The following CSMD3 variants were observed in gnomAD, a reference collection of about 807,000 sequenced individuals.
The protein encoded by CSMD3 is CUB and Sushi multiple domains 3.
In CSMD3, 177 loss-of-function variants were observed where a neutral mutation model predicts 435.2. The observed-to-expected ratio is 0.41, with a 90% CI of 0.36 to 0.46. The LOEUF (loss-of-function observed/expected upper bound fraction) is 0.46. Ranked by LOEUF, CSMD3 falls within the 20% of genes least tolerant of loss-of-function variation. The pLI is 0.34. For missense variants in CSMD3, 4,265 were observed against 4,504.6 expected (o/e 0.95, Z 1.52); for synonymous variants, 1,656 against 1,520.5 (o/e 1.09, Z -2.07).
chr8:112,841,883 G>A (rs1029218010), intron 11 of CSMD3, among the ~76,000 whole-genome samples: 3 of 151,692 alleles, frequency 2.0e-5, no homozygotes, highest in African/African-American at 4.8e-5. Flanking sequence ...CATCAGAAGG[G>A]GTTAAAATTC....
intron 10 of CSMD3, among the ~76,000 whole-genome samples, chr8:112,915,687 A>G (rs1246664049): frequency 6.6e-6 from 1 of 151,888 alleles, no homozygotes; most frequent in East Asian, 1.9e-4. Context: ...AGAGATCTGC[A>G]GAATCTAAAT....
intron 1 of CSMD3, among the ~76,000 whole-genome samples, chr8:113,337,345 G>C (rs765567816): frequency 6.6e-6 from 1 of 152,074 alleles, no homozygotes; most frequent in Non-Finnish European, 1.5e-5. Flanking sequence ...GGAAGAGCAA[G>C]TCTGGCCACA....
intron 5 of CSMD3, among the ~76,000 whole-genome samples, chr8:113,066,300 T>C (rs1413708913): frequency 1.3e-5 from 2 of 152,058 alleles, no homozygotes; most frequent in East Asian, 3.9e-4. Flanking sequence ...AGAGAAAAAG[T>C]GTTTTTGAAT....
intron 5 of CSMD3, among the ~76,000 whole-genome samples, chr8:113,091,921 ACTTTCCTCTTAGTACTG>A (rs2090016295): frequency 6.6e-6 from 1 of 151,898 alleles, no homozygotes; most frequent in Non-Finnish European, 1.5e-5. Context: ...GTAGCTATAA[ACTTTCCTCTTAGTACTG>A]CTTTTTCTGT....
intron 32 of CSMD3, among the ~76,000 whole-genome samples, chr8:112,432,134 C>T (rs967451571): frequency 1.3e-5 from 2 of 151,930 alleles, no homozygotes; most frequent in African/African-American, 4.8e-5. Flanking sequence ...AAAGCAACAA[C>T]CCAAAGCAAG....
chr8:112,932,130 G>A (rs12678496), intron 9 of CSMD3, among the ~76,000 whole-genome samples: 64,981 of 151,922 alleles, frequency 0.43, 14,043 homozygotes, highest in East Asian at 0.51. Flanking sequence ...AGTCCTTTGG[G>A]ATATCTGCAT....
intron 14 of CSMD3, among the ~76,000 whole-genome samples, chr8:112,686,534 T>C (rs1279541872): frequency 6.6e-6 from 1 of 151,398 alleles, no homozygotes; most frequent in Non-Finnish European, 1.5e-5. Context: ...TTGCCCAGGC[T>C]GGAGTGCAGT....
chr8:112,534,782 TA>T (rs1366068378), intron 27 of CSMD3, among the ~76,000 whole-genome samples: 1 of 152,014 alleles, frequency 6.6e-6, no homozygotes, highest in East Asian at 1.9e-4. Flanking sequence ...AAATCCTCAA[TA>T]AAATACTGGC....
Position 112,550,882 on chromosome 8 carries a change from G to T in CSMD3, c.4362-9C>A. 6.3e-7 allele frequency: 1 copy of T among 1,589,190 alleles called. No individual in the cohort carries two copies. The highest frequency in any genetic ancestry group is 8.6e-7 in the Non-Finnish European group (1 of 1,157,886). On this transcript the variant is annotated splice_polypyrimidine_tract_variant and intron_variant, in intron 26 of 70. Transcript: ENST00000297405. ...AAGCAAGAAACTGCAAGCTGTGGGAGAACCATATTTCTCTGATTATTTTAA... is the reference window on the plus strand; with the variant it reads ...AAGCAAGAAACTGCAAGCTGTGGGATAACCATATTTCTCTGATTATTTTAA...
At chr8:112,389,097 T>C (rs1830199794) in intron 36 of CSMD3, among the ~76,000 whole-genome samples, 1 of 152,134 alleles carries the variant, frequency 6.6e-6, no homozygotes, top group African/African-American at 2.4e-5. Flanking sequence ...AACCACACAA[T>C]GGATTTAATC....
Position 112,945,291 on chromosome 8 carries a change from C to T in CSMD3, c.1508+2499G>A, listed in dbSNP as rs1408839130. ...ACACCATAGTCCAAATCTCCACTGT[C>T]TTTCACTCAGACTACTGAAGAAACC... On this transcript the variant is annotated intron_variant, in intron 9 of 70. Transcript: ENST00000297405. 7.9e-5 allele frequency among the ~76,000 whole-genome samples: 12 copies of T among 151,706 alleles called. No homozygotes were observed. In the Admixed American group the frequency reaches 7.9e-4, roughly 10 times the overall value.
intron 61 of CSMD3, among the ~76,000 whole-genome samples, chr8:112,256,876 TGA>T (rs1048193042): frequency 1.3e-5 from 2 of 152,070 alleles, no homozygotes; most frequent in African/African-American, 4.8e-5. Flanking sequence ...GAGAAACTTT[TGA>T]GAGTGAAAGG....
chr8:112,281,334 G>A lies in CSMD3; in HGVS notation c.9348C>T (p.Asn3116=). ...CTTTCCCATTGGCTGTGGTTCCTGG[G>A]TTACCACACTGCACAGCTATAAAAC... The part of the protein sequence containing the change: ...QPECKAVQCG[N]PGTTANGKVF... The change falls in exon 59 of 71, where the codon AAC becomes AAT. Residue 3116 remains asparagine (N), a synonymous_variant. Coordinates refer to ENST00000297405, the MANE Select transcript of CSMD3 (RefSeq NM_198123.2). The A allele has an allele frequency of 6.2e-7, 1 of 1,612,864 alleles. No individual in the cohort carries two copies. The highest frequency in any genetic ancestry group is 8.5e-7 in the Non-Finnish European group (1 of 1,179,228).
intron 3 of CSMD3, among the ~76,000 whole-genome samples, chr8:113,223,613 T>C (rs970137025): frequency 5.9e-5 from 8 of 135,736 alleles, no homozygotes; most frequent in African/African-American, 2.3e-4. Context: ...TTTCAACTTG[T>C]CAAGTATACA....
chr8:113,261,854 C>A (rs1054665352), intron 3 of CSMD3, among the ~76,000 whole-genome samples: 14 of 152,004 alleles, frequency 9.2e-5, no homozygotes, highest in African/African-American at 2.9e-4. Context: ...AAGATACTAG[C>A]TAACATATAT....
chr8:112,628,538 TAGAC>T (rs1834680910), intron 22 of CSMD3, among the ~76,000 whole-genome samples: 1 of 152,184 alleles, frequency 6.6e-6, no homozygotes. Flanking sequence ...TTATTGGAGT[TAGAC>T]AGAATTGACT....
chr8:113,226,895 A>G (rs901296091), intron 3 of CSMD3, among the ~76,000 whole-genome samples: 2 of 151,612 alleles, frequency 1.3e-5, no homozygotes, highest in Admixed American at 1.3e-4. Flanking sequence ...TTTTGAAACA[A>G]TTTGACAATT....
At chr8:113,362,804 T>A (rs1320444689) in intron 1 of CSMD3, among the ~76,000 whole-genome samples, 1 of 152,200 alleles carries the variant, frequency 6.6e-6, no homozygotes, top group African/African-American at 2.4e-5. Flanking sequence ...TGGATTTTCA[T>A]AAGAACTTCT....
At chr8:112,419,224 A>G (rs1812223799) in intron 32 of CSMD3, among the ~76,000 whole-genome samples, 1 of 150,476 alleles carries the variant, frequency 6.6e-6, no homozygotes, top group South Asian at 2.1e-4. Flanking sequence ...GAGCTGCGTT[A>G]TGCTGATTTA....
Sources: gnomAD v4.1 joint callset for allele counts (sites outside exome capture counted in the v4.1 genomes callset) on GRCh38, gnomAD v4.1.1 for gene constraint, MANE v1.5 for transcripts, NCBI Gene and HGNC (gene_info 2026-07-23, HGNC 2026-07-21) for gene names.